DPY19L3: variants seen among roughly 807,000 people sequenced by gnomAD.
DPY19L3 encodes dpy-19 like C-mannosyltransferase 3.
Under a neutral mutation model 92.3 loss-of-function variants are expected in DPY19L3, and 51 were observed. The ratio of observed to expected loss-of-function variants is 0.55; its 90% CI spans 0.44 to 0.70. DPY19L3 has a LOEUF of 0.70. DPY19L3 is among the 30% of genes least tolerant of loss of function. The pLI, the probability that DPY19L3 is intolerant of heterozygous loss-of-function variation, is 0.00. For missense variants in DPY19L3, 706 were observed against 855.9 expected, an observed-to-expected ratio of 0.82 and a Z score of 2.18; for synonymous variants, 309 against 315.2, an observed-to-expected ratio of 0.98 and a Z score of 0.21.
chr19:32,441,799 A>C (rs1969334028), intron 8 of DPY19L3, among the ~76,000 whole-genome samples: 1 of 152,152 alleles, frequency 6.6e-6, no homozygotes, highest in African/African-American at 2.4e-5. Context: ...TGCCCATCTG[A>C]ACATGTATCT....
At chr19:32,420,994 A>C (rs370986992) in intron 3 of DPY19L3, among the ~76,000 whole-genome samples, 1 of 152,140 alleles carries the variant, frequency 6.6e-6, no homozygotes, top group Non-Finnish European at 1.5e-5. Flanking sequence ...TTTATAATCT[A>C]CCTTATCTGC....
chr19:32,450,651 G>A (rs1028555893), intron 8 of DPY19L3, among the ~76,000 whole-genome samples: 1 of 152,186 alleles, frequency 6.6e-6, no homozygotes, highest in African/African-American at 2.4e-5. Context: ...TCTGTGAAAT[G>A]TCCAGAATAT....
rs1444641039 is a variant in DPY19L3 at position 32,482,062 on chromosome 19, G to A, written c.1990-17G>A. The A allele has an allele frequency of 2.5e-6, 4 of 1,603,780 alleles. No homozygotes were observed. In the Admixed American group the frequency reaches 7.0e-5, roughly 28 times the overall value. ...AATTTTCCCCCCAAATTGTATTTGG[G>A]TTTGTTTTGGTTTTAGATGATGGAT... On this transcript the variant is annotated splice_polypyrimidine_tract_variant and intron_variant, in intron 18 of 18. Transcript: ENST00000392250.
intron 16 of DPY19L3, among the ~76,000 whole-genome samples, chr19:32,469,934 G>T (rs979187833): frequency 6.6e-6 from 1 of 152,198 alleles, no homozygotes; most frequent in Non-Finnish European, 1.5e-5. Flanking sequence ...ATCACATGTG[G>T]TGCCTTCTGA....
In DPY19L3 at chr19:32,418,229, TGTTCAAGCAGTA is replaced by T. The variant is rs199954853; in HGVS notation, c.237+6860_237+6871del. Among the ~76,000 whole-genome samples the T allele has an allele frequency of 9.1e-4, 139 of 152,344 alleles. 1 individual carries two copies. In the East Asian group the frequency reaches 0.024, roughly 26 times the overall value. Reference sequence around the variant, plus strand: ...GAGTCGTATCCATTTTTTTCCTCTTTGTTCAAGCAGTAGTCCATAGCACACATTTTGGGTTGT... The same window carrying T: ...GAGTCGTATCCATTTTTTTCCTCTTTGTCCATAGCACACATTTTGGGTTGT... On this transcript the variant is annotated intron_variant, in intron 3 of 18. Coordinates refer to ENST00000392250, the MANE Select transcript of DPY19L3 (RefSeq NM_001172774.2).
At chr19:32,467,683 A>G in intron 15 of DPY19L3, 1 of 987,592 alleles carries the variant, frequency 1.0e-6, no homozygotes, top group Non-Finnish European at 1.2e-6. Flanking sequence ...TTTCTACGTC[A>G]GTGGAGCATA....
chr19:32,459,866 T>C (rs1195121634), intron 12 of DPY19L3, among the ~76,000 whole-genome samples: 2 of 152,196 alleles, frequency 1.3e-5, no homozygotes, highest in Admixed American at 6.5e-5. Flanking sequence ...TCCAGTCATG[T>C]CACTTAACAA....
chr19:32,419,224 G>C (rs996048442), intron 3 of DPY19L3, among the ~76,000 whole-genome samples: 1 of 147,162 alleles, frequency 6.8e-6, no homozygotes, highest in Non-Finnish European at 1.5e-5. Flanking sequence ...GCAGTGGCGC[G>C]ATCTCGGCTC....
At chr19:32,411,455 A>G (rs779617887) in intron 3 of DPY19L3, 83 bp downstream of exon 3, 1 of 1,481,356 alleles carries the variant, frequency 6.8e-7, no homozygotes, top group Non-Finnish European at 9.3e-7. Flanking sequence ...CCAAGGCAAC[A>G]CAGTTTTGCC....
intron 3 of DPY19L3, among the ~76,000 whole-genome samples, chr19:32,430,656 T>C (rs1968929749): frequency 6.6e-6 from 1 of 152,118 alleles, no homozygotes; most frequent in Non-Finnish European, 1.5e-5. Flanking sequence ...GGTCTCGCTC[T>C]ATCATCCAGG....
At chr19:32,480,613 T>A in intron 18 of DPY19L3, 56 bp downstream of exon 18, 1 of 1,542,196 alleles carries the variant, frequency 6.5e-7, no homozygotes, top group Non-Finnish European at 8.7e-7. Flanking sequence ...GGACTCTGAT[T>A]TGAATCCTAA....
chr19:32,476,727 A>G (rs1408534308), intron 16 of DPY19L3, among the ~76,000 whole-genome samples: 1 of 152,126 alleles, frequency 6.6e-6, no homozygotes, highest in East Asian at 1.9e-4. Flanking sequence ...CCTTAGTATT[A>G]GGGTGCCCCG....
chr19:32,431,054 A>G (rs1008522178), intron 3 of DPY19L3, among the ~76,000 whole-genome samples: 1 of 151,872 alleles, frequency 6.6e-6, no homozygotes, highest in Non-Finnish European at 1.5e-5. Context: ...ACTTTCCCCC[A>G]TTGGGTTTGT....
At position 32,482,319 on chromosome 19, in the gene DPY19L3, G is replaced by A. The variant is rs991339198; in HGVS notation, c.*79G>A. On this transcript the variant is annotated 3_prime_UTR_variant, in exon 19 of 19. Coordinates refer to ENST00000392250, the MANE Select transcript of DPY19L3 (RefSeq NM_001172774.2). The stretch of plus-strand genomic sequence containing the variant: ...AAACTCAATAGATGACGTTTCCTAT[G>A]TAAGTAGGTAGCCCAAACCTTCAAG... 43 of 1,509,506 alleles carry A rather than the reference G, an allele frequency of 2.8e-5. No individual in the cohort carries two copies. The highest frequency in any genetic ancestry group is 5.6e-5 in the African/African-American group (4 of 71,636). 93.5% of individuals were successfully genotyped at this position (1,509,506 alleles called of 1,614,324 possible). A position where few individuals can be genotyped will look rare whatever the true frequency, so the allele number is the denominator to read the frequency against.
chr19:32,457,534 G>A (rs1171606215), intron 10 of DPY19L3, among the ~76,000 whole-genome samples: 1 of 152,002 alleles, frequency 6.6e-6, no homozygotes, highest in African/African-American at 2.4e-5. Context: ...ATTATATATG[G>A]ATTTTTAAGC....
At chr19:32,427,651 C>T (rs11667166) in intron 3 of DPY19L3, among the ~76,000 whole-genome samples, 85,948 of 151,978 alleles carry the variant, frequency 0.57, 24,840 homozygotes, top group East Asian at 0.63. Flanking sequence ...TAGCAGACTG[C>T]CCTCCTCACA....
intron 17 of DPY19L3, among the ~76,000 whole-genome samples, chr19:32,477,972 T>C (rs1415466628): frequency 1.3e-5 from 2 of 152,084 alleles, no homozygotes; most frequent in Non-Finnish European, 2.9e-5. Context: ...CTCCCCCTTA[T>C]AAAACCATCA....
At chr19:32,427,966 A>G (rs1246103243) in intron 3 of DPY19L3, 2 of 117,154 alleles carry the variant, frequency 1.7e-5, no homozygotes, top group East Asian at 4.4e-4. Flanking sequence ...TTGTAAACAA[A>G]TCTTTTTTTT....
chr19:32,479,602 CAG>C (rs939625860), intron 17 of DPY19L3: 30 of 437,198 alleles, frequency 6.9e-5, no homozygotes, highest in African/African-American at 5.9e-4. Context: ...AAGCCCAAAT[CAG>C]AAATCTAGCA....
Sources: gnomAD v4.1 joint callset for allele counts (sites outside exome capture counted in the v4.1 genomes callset) on GRCh38, gnomAD v4.1.1 for gene constraint, MANE v1.5 for transcripts, NCBI Gene and HGNC (gene_info 2026-07-23, HGNC 2026-07-21) for gene names.